Variants in NTPCR observed in about 807,000 individuals in gnomAD.
NTPCR encodes the protein nucleoside-triphosphatase, cancer-related.
In NTPCR, 15 loss-of-function variants were observed where a neutral mutation model predicts 19.5. The ratio of observed to expected loss-of-function variants is 0.77; its 90% CI spans 0.51 to 1.18. The LOEUF is 1.18. NTPCR is among the 50% of genes most tolerant of loss of function. NTPCR has a pLI of 0.00. For missense variants in NTPCR, 206 were observed against 240.4 expected (o/e 0.86, Z 0.95); for synonymous variants, 90 against 95.8 (o/e 0.94, Z 0.36).
At chr1:232,961,101 C>A (rs1256849288) in intron 3 of NTPCR, among the ~76,000 whole-genome samples, 2 of 152,200 alleles carry the variant, frequency 1.3e-5, no homozygotes, top group Non-Finnish European at 2.9e-5. Context: ...TGCTAATCTT[C>A]AAAGCTGGGA....
intron 3 of NTPCR, among the ~76,000 whole-genome samples, chr1:232,959,269 ACT>A (rs1056670175): frequency 1.6e-4 from 24 of 151,292 alleles, no homozygotes; most frequent in Admixed American, 5.3e-4. Flanking sequence ...TTTCCCCTGC[ACT>A]CTCTCTCTCC....
intron 3 of NTPCR, among the ~76,000 whole-genome samples, chr1:232,959,327 A>G (rs772782246): frequency 2.6e-5 from 4 of 152,100 alleles, no homozygotes; most frequent in South Asian, 2.1e-4. Flanking sequence ...GCCTTCCACC[A>G]TGATTGTAAG....
intron 1 of NTPCR, among the ~76,000 whole-genome samples, chr1:232,951,569 G>A (rs963858791): frequency 6.6e-6 from 1 of 152,202 alleles, no homozygotes; most frequent in African/African-American, 2.4e-5. Context: ...GCTAAGAGTG[G>A]AGAAAGTGAT....
chr1:232,955,936 AT>A (rs1668500623), intron 2 of NTPCR, among the ~76,000 whole-genome samples: 1 of 152,176 alleles, frequency 6.6e-6, no homozygotes, highest in Admixed American at 6.5e-5. Flanking sequence ...GCCTTTAGGG[AT>A]TTCTCAGAGA....
intron 3 of NTPCR, chr1:232,966,181 G>A (rs1245237885): frequency 6.6e-6 from 1 of 152,218 alleles, no homozygotes; most frequent in Non-Finnish European, 1.5e-5. Context: ...GATGGCTGCT[G>A]TTAGCACCAT....
In NTPCR at chr1:232,965,228, G is replaced by A. The variant is rs181134435; in HGVS notation, c.295-4681G>A. On this transcript the variant is annotated intron_variant, in intron 3 of 4. Coordinates refer to ENST00000366628, the MANE Select transcript of NTPCR (RefSeq NM_032324.3). ...TATTGGAGAGGAAAGCAGTTTCTTC[G>A]TGGTTAGGTCAGTTTCCTAGATGCT... 449 of 152,276 alleles carry A rather than the reference G, an allele frequency of 2.9e-3. 2 individuals carry two copies. The highest frequency in any genetic ancestry group is 0.014 in the Middle Eastern group (4 of 294). The allele number at this position is 152,276 out of a possible 1,614,324, so 9.4% of individuals were successfully genotyped here.
chr1:232,980,572 G>A lies in NTPCR; in HGVS notation c.*2341G>A, dbSNP rs762042444. The A allele has an allele frequency of 6.6e-6, 1 of 152,230 alleles. No individual in the cohort carries two copies. The highest frequency in any genetic ancestry group is 1.5e-5 in the Non-Finnish European group (1 of 68,040). 9.4% of individuals were successfully genotyped at this position (152,230 alleles called of 1,614,324 possible). A position where few individuals can be genotyped will look rare whatever the true frequency, so the allele number is the denominator to read the frequency against. ...AAATGATTGTTGTATTAGTCAAACA[G>A]AATGATCATGGAGCATGTATGGAGA... On this transcript the variant is annotated 3_prime_UTR_variant, in exon 5 of 5. Transcript: ENST00000366628.
chr1:232,978,424 AT>A lies in NTPCR; in HGVS notation c.*195del, dbSNP rs1283803219. 7.5e-6 allele frequency: 4 copies of A among 534,876 alleles called. No individual in the cohort carries two copies. The East Asian group carries it at 1.2e-4, about 16-fold the overall frequency. The allele number at this position is 534,876 out of a possible 1,614,324, so 33.1% of individuals were successfully genotyped here. A position where few individuals can be genotyped will look rare whatever the true frequency, so the allele number is the denominator to read the frequency against. On this transcript the variant is annotated 3_prime_UTR_variant, in exon 5 of 5. Transcript: ENST00000366628. ...CTTAATGCTGGATTGTCTGTACAAG[AT>A]TAACTATCCATTGTGGCTTATCTAT...
At chr1:232,960,628 C>T (rs1668643420) in intron 3 of NTPCR, among the ~76,000 whole-genome samples, 1 of 152,140 alleles carries the variant, frequency 6.6e-6, no homozygotes, top group South Asian at 2.1e-4. Context: ...AGGCGTGAAC[C>T]ACTGTGCCTA....
At chr1:232,976,273 G>A (rs1558135881) in intron 4 of NTPCR, 3 of 1,411,946 alleles carry the variant, frequency 2.1e-6, no homozygotes, top group Non-Finnish European at 2.8e-6. Flanking sequence ...CATTTTTGTG[G>A]TGATGACATT....
rs1669328203 is a variant in NTPCR, at chr1:232,983,223, A to G, written c.*4992A>G. ...GTTTAAAATTGAGTATTTCCTTCTA[A>G]CTATTGTCTTTTGAAAAGGGATGGT... On this transcript the variant is annotated 3_prime_UTR_variant, in exon 5 of 5. Coordinates refer to ENST00000366628, the MANE Select transcript of NTPCR (RefSeq NM_032324.3). The G allele has an allele frequency of 6.6e-6, 1 of 152,146 alleles. No individual in the cohort carries two copies. Among genetic ancestry groups the G allele is most frequent in the Admixed American group, 6.5e-5 (1 of 15,274 alleles). The allele number at this position is 152,146 out of a possible 1,614,324, so 9.4% of individuals were successfully genotyped here.
intron 1 of NTPCR, among the ~76,000 whole-genome samples, chr1:232,953,850 G>A (rs1448497517): frequency 6.6e-6 from 1 of 152,106 alleles, no homozygotes; most frequent in Non-Finnish European, 1.5e-5. Flanking sequence ...CATATAAGCA[G>A]TATATTTTTT....
intron 1 of NTPCR, among the ~76,000 whole-genome samples, chr1:232,952,005 G>A (rs1668378086): frequency 1.3e-5 from 2 of 152,124 alleles, no homozygotes; most frequent in African/African-American, 2.4e-5. Context: ...CTTTATCAAA[G>A]TCTTACCTAC....
intron 3 of NTPCR, among the ~76,000 whole-genome samples, chr1:232,956,991 T>C (rs1668527849): frequency 6.6e-6 from 1 of 152,246 alleles, no homozygotes; most frequent in South Asian, 2.1e-4. Context: ...TGAATAAAAG[T>C]GGTGAGAGTA....
At chr1:232,956,009 C>T (rs2102738529) in intron 2 of NTPCR, among the ~76,000 whole-genome samples, 1 of 152,276 alleles carries the variant, frequency 6.6e-6, no homozygotes, top group Non-Finnish European at 1.5e-5. Flanking sequence ...TTACTTAAAA[C>T]TTGTTCACCA....
At chr1:232,976,180 G>A in intron 4 of NTPCR, 1 of 689,148 alleles carries the variant, frequency 1.5e-6, no homozygotes, top group Non-Finnish European at 2.1e-6. Flanking sequence ...ATATTTATGG[G>A]GTACAGTGTG....
rs934002167 is a variant in NTPCR at position 232,982,505 on chromosome 1, C to A, written c.*4274C>A. ...TCCCTCCTCCCCACAAAAGATGCCA[C>A]GAGAACTCGTGAACTGTGATAAGCA... On this transcript the variant is annotated 3_prime_UTR_variant, in exon 5 of 5. Coordinates refer to ENST00000366628, the MANE Select transcript of NTPCR (RefSeq NM_032324.3). 2.0e-5 allele frequency: 3 copies of A among 152,220 alleles called. No individual in the cohort carries two copies. Among genetic ancestry groups the A allele is most frequent in the African/African-American group, 7.2e-5 (3 of 41,468 alleles). The allele number at this position is 152,220 out of a possible 1,614,324, so 9.4% of individuals were successfully genotyped here. A position where few individuals can be genotyped will look rare whatever the true frequency, so the allele number is the denominator to read the frequency against.
At position 232,978,742 on chromosome 1, in the gene NTPCR, C is replaced by G. The variant is rs1056239068; in HGVS notation, c.*511C>G. 1 of 152,494 alleles carries G rather than the reference C, an allele frequency of 6.6e-6. No individual in the cohort carries two copies. The highest frequency in any genetic ancestry group is 1.5e-5 in the Non-Finnish European group (1 of 68,294). 9.4% of individuals were successfully genotyped at this position (152,494 alleles called of 1,614,324 possible). A position where few individuals can be genotyped will look rare whatever the true frequency, so the allele number is the denominator to read the frequency against. On this transcript the variant is annotated 3_prime_UTR_variant, in exon 5 of 5. Coordinates refer to ENST00000366628, the MANE Select transcript of NTPCR (RefSeq NM_032324.3). The stretch of plus-strand genomic sequence containing the variant: ...AGAAAACCATTTTAGGTCATCTCCC[C>G]CAACTCTGTTTGCTTACTGCTTAAT...
intron 3 of NTPCR, among the ~76,000 whole-genome samples, chr1:232,959,787 A>G (rs1249231820): frequency 6.6e-6 from 1 of 152,116 alleles, no homozygotes; most frequent in South Asian, 2.1e-4. Flanking sequence ...TTCAATATGT[A>G]TGAGTGAAAG....
Sources: gnomAD v4.1 joint callset for allele counts (sites outside exome capture counted in the v4.1 genomes callset) on GRCh38, gnomAD v4.1.1 for gene constraint, MANE v1.5 for transcripts, NCBI Gene and HGNC (gene_info 2026-07-23, HGNC 2026-07-21) for gene names.